CECR2: variants seen among roughly 807,000 people sequenced by gnomAD.
CECR2 encodes the protein CECR2 histone acetyl-lysine reader.
CECR2 carries 30 observed loss-of-function variants against 154.5 expected under a neutral mutation model. The ratio of observed to expected loss-of-function variants is 0.19; its 90% CI spans 0.15 to 0.26. CECR2 has a LOEUF of 0.26. Ranked by LOEUF, CECR2 falls within the 10% of genes least tolerant of loss-of-function variation. The pLI is 1.00. For missense variants in CECR2, 1,743 were observed against 1,829.3 expected (o/e 0.95, Z 0.86); for synonymous variants, 725 against 683.7 (o/e 1.06, Z -0.94).
At chr22:17,467,501 G>T (rs1026089861) in intron 1 of CECR2, among the ~76,000 whole-genome samples, 15 of 151,894 alleles carry the variant, frequency 9.9e-5, no homozygotes, top group African/African-American at 3.4e-4. Context: ...TTTTTAAAAG[G>T]TCCCGGGTGC....
intron 1 of CECR2, among the ~76,000 whole-genome samples, chr22:17,426,375 T>A (rs1254992474): frequency 6.6e-6 from 1 of 152,132 alleles, no homozygotes; most frequent in Non-Finnish European, 1.5e-5. Context: ...TTTTCTTCCC[T>A]GAGACGAGTC....
intron 5 of CECR2, among the ~76,000 whole-genome samples, chr22:17,502,324 A>G (rs1453032028): frequency 1.3e-5 from 2 of 152,200 alleles, no homozygotes; most frequent in East Asian, 3.8e-4. Context: ...ATTATAATAA[A>G]TACACCTGTC....
chr22:17,440,658 G>A (rs79950448), intron 1 of CECR2, among the ~76,000 whole-genome samples: 5,010 of 152,188 alleles, frequency 0.033, 122 homozygotes, highest in South Asian at 0.13. Flanking sequence ...AGGGAAGGTT[G>A]TATAGCATTA....
At chr22:17,396,968 A>G (rs1270219638) in intron 1 of CECR2, among the ~76,000 whole-genome samples, 1 of 152,144 alleles carries the variant, frequency 6.6e-6, no homozygotes, top group Non-Finnish European at 1.5e-5. Flanking sequence ...AGCCTAGCAC[A>G]GTGCATCTTC....
intron 4 of CECR2, among the ~76,000 whole-genome samples, chr22:17,500,230 A>G (rs1408902126): frequency 1.3e-5 from 2 of 148,900 alleles, no homozygotes; most frequent in African/African-American, 2.5e-5. Flanking sequence ...AAAAAAAAGA[A>G]TTTAATGATG....
At chr22:17,508,529 G>T (rs1238750210) in intron 7 of CECR2, among the ~76,000 whole-genome samples, 2 of 152,046 alleles carry the variant, frequency 1.3e-5, no homozygotes, top group African/African-American at 4.8e-5. Flanking sequence ...ATATCCTGTA[G>T]TCTGGGTGTG....
At chr22:17,378,203 T>C (rs528450119) in intron 1 of CECR2, among the ~76,000 whole-genome samples, 60 of 148,728 alleles carry the variant, frequency 4.0e-4, no homozygotes, top group Non-Finnish European at 6.9e-4. Flanking sequence ...CAGGATGGTC[T>C]GGATCTCCTA....
chr22:17,503,641 A>C (rs1158402046), intron 6 of CECR2, among the ~76,000 whole-genome samples: 1 of 152,206 alleles, frequency 6.6e-6, no homozygotes, highest in African/African-American at 2.4e-5. Flanking sequence ...GTGAATATCT[A>C]TCTTGTTAAA....
At chr22:17,535,321 A>G (rs1479415600) in intron 9 of CECR2, among the ~76,000 whole-genome samples, 2 of 146,984 alleles carry the variant, frequency 1.4e-5, no homozygotes, top group Non-Finnish European at 2.9e-5. Flanking sequence ...CCATCTCAAA[A>G]AAAAAAAAAT....
At chr22:17,381,679 G>T (rs1047936707) in intron 1 of CECR2, among the ~76,000 whole-genome samples, 8 of 152,122 alleles carry the variant, frequency 5.3e-5, no homozygotes, top group African/African-American at 1.9e-4. Context: ...TGCCCTGGGG[G>T]AATTTGTCTG....
rs2063031563 is a variant in CECR2 at position 17,369,715 on chromosome 22, G to A, written c.-69G>A. 1 of 149,352 alleles carries A rather than the reference G, an allele frequency of 6.7e-6. No individual in the cohort carries two copies. Among genetic ancestry groups the A allele is most frequent in the Non-Finnish European group, 1.5e-5 (1 of 67,128 alleles). The allele number at this position is 149,352 out of a possible 1,614,324, so 9.3% of individuals were successfully genotyped here. A position where few individuals can be genotyped will look rare whatever the true frequency, so the allele number is the denominator to read the frequency against. ...CGCGCGGAGGCTGCGGCGCTGCCGC[G>A]GCGGGAGTCCCAGGTCGGCGGGCAG... On this transcript the variant is annotated 5_prime_UTR_variant, in exon 1 of 19. Coordinates refer to ENST00000262608, the MANE Select transcript of CECR2 (RefSeq NM_001290047.2).
At chr22:17,529,167 T>A (rs1312219266) in intron 9 of CECR2, among the ~76,000 whole-genome samples, 1 of 152,198 alleles carries the variant, frequency 6.6e-6, no homozygotes, top group Non-Finnish European at 1.5e-5. Context: ...CGTGAGTGCC[T>A]GAAGCGGAAG....
At chr22:17,420,909 C>T (rs1206430898) in intron 1 of CECR2, among the ~76,000 whole-genome samples, 1 of 152,138 alleles carries the variant, frequency 6.6e-6, no homozygotes, top group African/African-American at 2.4e-5. Context: ...TCACCCCTGT[C>T]CCTCACCCAC....
chr22:17,504,899 G>A lies in CECR2; in HGVS notation c.753G>A (p.Glu251=), dbSNP rs113303314. 3.3e-5 allele frequency: 54 copies of A among 1,613,914 alleles called. No homozygotes were observed. In the African/African-American group the frequency reaches 3.5e-4, roughly 10 times the overall value. ...GGTGGCTCCTGTGCCAGACAGAAGAGGAATGGAGACAGGTCACCGAGAGTT... is the reference window on the plus strand; with the variant it reads ...GGTGGCTCCTGTGCCAGACAGAAGAAGAATGGAGACAGGTCACCGAGAGTT... ...GTWWLLCQTE[E]EWRQVTESFR... Residue 251 remains glutamate (E), a synonymous_variant, in exon 7 of 19, where the codon GAG becomes GAA. Coordinates refer to ENST00000262608, the MANE Select transcript of CECR2 (RefSeq NM_001290047.2).
At chr22:17,425,761 A>C (rs2146617659) in intron 1 of CECR2, among the ~76,000 whole-genome samples, 1 of 152,318 alleles carries the variant, frequency 6.6e-6, no homozygotes, top group South Asian at 2.1e-4. Context: ...GAGATAAACC[A>C]GATAGGAGGT....
In CECR2 at chr22:17,537,092, G is replaced by T; in HGVS notation, c.1109-11G>T. On this transcript the variant is annotated splice_polypyrimidine_tract_variant and intron_variant, in intron 9 of 18. Coordinates refer to ENST00000262608, the MANE Select transcript of CECR2 (RefSeq NM_001290047.2). ...TGTGCTTAGCTCACTCAGCCTTTGTGTTCATTGTAGATCGAGCGAAGAGGA... is the reference window on the plus strand; with the variant it reads ...TGTGCTTAGCTCACTCAGCCTTTGTTTTCATTGTAGATCGAGCGAAGAGGA... 2.5e-6 allele frequency: 4 copies of T among 1,613,546 alleles called. No individual in the cohort carries two copies.
chr22:17,370,008 G>A (rs1323268282), intron 1 of CECR2, 99 bp downstream of exon 1: 2 of 151,354 alleles, frequency 1.3e-5, no homozygotes, highest in Non-Finnish European at 1.5e-5. Context: ...GCCGGGGCCC[G>A]AGGGACTTCG....
chr22:17,438,619 A>ATTTTTTT (rs59612229), intron 1 of CECR2, among the ~76,000 whole-genome samples: 1 of 147,426 alleles, frequency 6.8e-6, no homozygotes, highest in Non-Finnish European at 1.5e-5. Flanking sequence ...ACATTATGAG[A>ATTTTTTT]TTTTTTTTTT....
At chr22:17,505,104 CCCCACTGT>C in intron 7 of CECR2, 88 bp downstream of exon 7, 1 of 1,282,018 alleles carries the variant, frequency 7.8e-7, no homozygotes, top group Non-Finnish European at 1.1e-6. Flanking sequence ...TCCCCATACA[CCCCACTGT>C]CCTGGAAATA....
Sources: gnomAD v4.1 joint callset for allele counts (sites outside exome capture counted in the v4.1 genomes callset) on GRCh38, gnomAD v4.1.1 for gene constraint, MANE v1.5 for transcripts, NCBI Gene and HGNC (gene_info 2026-07-23, HGNC 2026-07-21) for gene names.